C1orf21: variants seen among roughly 807,000 people sequenced by gnomAD.
C1orf21 encodes chromosome 1 open reading frame 21.
C1orf21 carries 3 observed loss-of-function variants against 18.7 expected under a neutral mutation model. The ratio of observed to expected loss-of-function variants is 0.16; its 90% CI spans 0.07 to 0.42. The LOEUF (loss-of-function observed/expected upper bound fraction) is 0.42, where lower values mean the gene tolerates loss of function less well. Among genes scored for constraint, C1orf21 ranks in the 10% least tolerant of loss-of-function variants. C1orf21 has a pLI of 0.99. For missense variants in C1orf21, 104 were observed against 143.6 expected, an observed-to-expected ratio of 0.72 and a Z score of 1.41; for synonymous variants, 41 against 46.4, an observed-to-expected ratio of 0.88 and a Z score of 0.47.
At chr1:184,486,529 G>T (rs896950467) in intron 2 of C1orf21, among the ~76,000 whole-genome samples, 3 of 152,132 alleles carry the variant, frequency 2.0e-5, no homozygotes, top group African/African-American at 7.2e-5. Flanking sequence ...GGCCTGAGTA[G>T]ACTGGCCCCA....
At chr1:184,398,541 C>T (rs149061961) in intron 1 of C1orf21, among the ~76,000 whole-genome samples, 1 of 152,302 alleles carries the variant, frequency 6.6e-6, no homozygotes, top group African/African-American at 2.4e-5. Context: ...AATAGATTGT[C>T]ATTTAACCAC....
At chr1:184,396,993 A>G (rs1488816782) in intron 1 of C1orf21, among the ~76,000 whole-genome samples, 1 of 152,188 alleles carries the variant, frequency 6.6e-6, no homozygotes, top group Non-Finnish European at 1.5e-5. Flanking sequence ...TGATAGTTGA[A>G]GCTGTTGTGG....
chr1:184,588,310 C>T (rs1221848028), intron 3 of C1orf21, among the ~76,000 whole-genome samples: 1 of 152,124 alleles, frequency 6.6e-6, no homozygotes, highest in Non-Finnish European at 1.5e-5. Flanking sequence ...ATATTCACTA[C>T]CATGAGCTTG....
chr1:184,568,288 CATT>C, intron 3 of C1orf21: 1 of 332,402 alleles, frequency 3.0e-6, no homozygotes, highest in Non-Finnish European at 6.0e-6. Flanking sequence ...AGTACATTCA[CATT>C]ATTGTGCAAC....
At chr1:184,441,447 C>G (rs1225448917) in intron 1 of C1orf21, among the ~76,000 whole-genome samples, 1 of 152,216 alleles carries the variant, frequency 6.6e-6, no homozygotes, top group Non-Finnish European at 1.5e-5. Flanking sequence ...CAAATTTATT[C>G]ACTAGTTTGT....
At chr1:184,603,417 C>T (rs1411408915) in intron 5 of C1orf21, among the ~76,000 whole-genome samples, 1 of 152,232 alleles carries the variant, frequency 6.6e-6, no homozygotes, top group African/African-American at 2.4e-5. Context: ...GATTCTGGCT[C>T]TGTTGATTGA....
At chr1:184,430,174 A>AT (rs1003235371) in intron 1 of C1orf21, among the ~76,000 whole-genome samples, 13 of 149,546 alleles carry the variant, frequency 8.7e-5, no homozygotes, top group South Asian at 2.1e-4. Context: ...TGGGGAGCCT[A>AT]TTTTTTTTTA....
At chr1:184,502,437 C>A (rs751666568) in intron 2 of C1orf21, among the ~76,000 whole-genome samples, 1 of 152,084 alleles carries the variant, frequency 6.6e-6, no homozygotes, top group African/African-American at 2.4e-5. Flanking sequence ...TTGGAGGGAA[C>A]GTCAACATTC....
At chr1:184,408,210 C>G (rs1340909131) in intron 1 of C1orf21, 1 of 152,152 alleles carries the variant, frequency 6.6e-6, no homozygotes, top group Non-Finnish European at 1.5e-5. Context: ...TCAGTATTTC[C>G]TCGCTGAGTA....
chr1:184,411,436 T>TA, intron 1 of C1orf21, among the ~76,000 whole-genome samples: 1 of 146,414 alleles, frequency 6.8e-6, no homozygotes, highest in South Asian at 2.2e-4. Context: ...TTTTTTTTTT[T>TA]TTTGAGACGG....
chr1:184,469,173 C>A lies in C1orf21; in HGVS notation c.-124-8213C>A, dbSNP rs372613063. The stretch of plus-strand genomic sequence containing the variant: ...GCTGAGGCACGAGAATTGCTTGAAC[C>A]CAGGAGGCAGAGGTTTCAGTGAGCC... On this transcript the variant is annotated intron_variant, in intron 1 of 5. Transcript: ENST00000235307. Among the ~76,000 whole-genome samples the A allele has an allele frequency of 3.3e-5, 5 of 152,152 alleles. No homozygotes were observed. The East Asian group carries it at 9.7e-4, about 29-fold the overall frequency.
intron 3 of C1orf21, among the ~76,000 whole-genome samples, chr1:184,579,169 C>T (rs1336332990): frequency 6.7e-6 from 1 of 149,830 alleles, no homozygotes; most frequent in Non-Finnish European, 1.5e-5. Context: ...TCCTGAGTAG[C>T]TGGGACTACA....
At chr1:184,500,211 T>C (rs919487750) in intron 2 of C1orf21, among the ~76,000 whole-genome samples, 1 of 152,108 alleles carries the variant, frequency 6.6e-6, no homozygotes, top group Admixed American at 6.5e-5. Flanking sequence ...TGGATTTGGA[T>C]CTGGTTGTGT....
intron 2 of C1orf21, among the ~76,000 whole-genome samples, chr1:184,498,419 T>C (rs1184492384): frequency 6.6e-6 from 1 of 152,216 alleles, no homozygotes; most frequent in Non-Finnish European, 1.5e-5. Context: ...TTGGCCAAAT[T>C]GTTAAATGTT....
intron 3 of C1orf21, among the ~76,000 whole-genome samples, chr1:184,561,082 T>A (rs1658956667): frequency 2.0e-5 from 3 of 152,218 alleles, no homozygotes; most frequent in African/African-American, 7.2e-5. Context: ...CTTTGTGGAA[T>A]AATCCAGTTT....
At chr1:184,583,131 G>A (rs183610025) in intron 3 of C1orf21, among the ~76,000 whole-genome samples, 1 of 152,154 alleles carries the variant, frequency 6.6e-6, no homozygotes, top group African/African-American at 2.4e-5. Context: ...GAGCCACTGT[G>A]CCTGGCCAGG....
At chr1:184,586,690 AT>A (rs1659359136) in intron 3 of C1orf21, among the ~76,000 whole-genome samples, 1 of 151,630 alleles carries the variant, frequency 6.6e-6, no homozygotes, top group Non-Finnish European at 1.5e-5. Context: ...AGTTTGCAAA[AT>A]TTTTCTCCCA....
intron 3 of C1orf21, among the ~76,000 whole-genome samples, chr1:184,538,020 T>C (rs897858488): frequency 1.3e-5 from 2 of 152,194 alleles, no homozygotes; most frequent in Non-Finnish European, 2.9e-5. Context: ...TGATTTTTAA[T>C]GTTTTGAGGA....
chr1:184,527,475 G>A (rs750879531), intron 3 of C1orf21, among the ~76,000 whole-genome samples: 57 of 152,262 alleles, frequency 3.7e-4, no homozygotes, highest in Non-Finnish European at 5.4e-4. Flanking sequence ...ATGGGAAAGT[G>A]GAGCCTTAAG....
Sources: gnomAD v4.1 joint callset for allele counts (sites outside exome capture counted in the v4.1 genomes callset) on GRCh38, gnomAD v4.1.1 for gene constraint, MANE v1.5 for transcripts, NCBI Gene and HGNC (gene_info 2026-07-23, HGNC 2026-07-21) for gene names.